The following VPS13C variants were observed in gnomAD, a reference collection of about 807,000 sequenced individuals.
The protein encoded by VPS13C is vacuolar protein sorting 13 homolog C.
In VPS13C, 358 loss-of-function variants were observed where a neutral mutation model predicts 456.8. The ratio of observed to expected loss-of-function variants is 0.78; its 90% confidence interval spans 0.72 to 0.86. The LOEUF (loss-of-function observed/expected upper bound fraction) is 0.86, where lower values mean the gene tolerates loss of function less well. VPS13C is among the 40% of genes least tolerant of loss of function. The pLI, the probability that VPS13C is intolerant of heterozygous loss-of-function variation, is 0.00. For missense variants in VPS13C, 4,818 were observed against 4,385.4 expected, an observed-to-expected ratio of 1.10 and a Z score of -2.79; for synonymous variants, 1,578 against 1,486.7, an observed-to-expected ratio of 1.06 and a Z score of -1.41.
Position 61,863,434 on chromosome 15 carries a change from C to A in VPS13C, c.10952+6G>T. The A allele has an allele frequency of 1.9e-6, 3 of 1,604,552 alleles. No homozygotes were observed. Among genetic ancestry groups the A allele is most frequent in the South Asian group, 2.2e-5 (2 of 89,898 alleles). On this transcript the variant is annotated splice_donor_region_variant and intron_variant, in intron 82 of 84. Transcript: ENST00000644861. ...TATTTGGAAAAATGTCACTTCAAGTCAGTACCTATTTGTAACCATAAGGAT... is the reference window on the plus strand; with the variant it reads ...TATTTGGAAAAATGTCACTTCAAGTAAGTACCTATTTGTAACCATAAGGAT...
chr15:61,924,112 C>T (rs1399197439), intron 53 of VPS13C, among the ~76,000 whole-genome samples: 2 of 151,606 alleles, frequency 1.3e-5, no homozygotes, highest in Admixed American at 6.6e-5. Flanking sequence ...GTGATCCGCC[C>T]GCCTCGGCCT....
intron 49 of VPS13C, among the ~76,000 whole-genome samples, chr15:61,931,498 T>C (rs999439445): frequency 2.0e-5 from 3 of 152,032 alleles, no homozygotes; most frequent in African/African-American, 4.8e-5. Flanking sequence ...GAAAAATTTA[T>C]CTGATTTACA....
At position 61,920,561 on chromosome 15, in the gene VPS13C, T is replaced by C; in HGVS notation, c.7149A>G (p.Ser2383=). The C allele has an allele frequency of 6.3e-7, 1 of 1,580,796 alleles. No individual in the cohort carries two copies. The highest frequency in any genetic ancestry group is 2.3e-5 in the East Asian group (1 of 43,596). ...ATATTGTTATATTCATTGTATTTCC[T>C]GAAGAAATATGAATTGCCATTTGTG... ...PEPQMAIHIS[S]GNTMNITISK... Residue 2383 remains serine (S), a synonymous_variant, in exon 56 of 85, where the codon TCA becomes TCG. Coordinates refer to ENST00000644861, the MANE Select transcript of VPS13C (RefSeq NM_020821.3).
At chr15:62,001,047 A>C (rs1391057614) in intron 15 of VPS13C, among the ~76,000 whole-genome samples, 1 of 152,202 alleles carries the variant, frequency 6.6e-6, no homozygotes, top group East Asian at 1.9e-4. Flanking sequence ...AGAATGTAAA[A>C]TTCTGCAAAT....
At chr15:61,989,289 A>G (rs772114088) in intron 18 of VPS13C, among the ~76,000 whole-genome samples, 5 of 151,758 alleles carry the variant, frequency 3.3e-5, no homozygotes, top group Admixed American at 6.6e-5. Context: ...AATTCCAGCT[A>G]CTCGGGTGGC....
intron 69 of VPS13C, among the ~76,000 whole-genome samples, chr15:61,882,239 A>C (rs930395130): frequency 6.6e-6 from 1 of 152,162 alleles, no homozygotes; most frequent in African/African-American, 2.4e-5. Context: ...GGATGCTGGG[A>C]GAGAGCAAGC....
At chr15:61,961,969 T>A (rs1048981115) in intron 34 of VPS13C, 76 bp from the exon 35 acceptor site, 5 of 1,461,508 alleles carry the variant, frequency 3.4e-6, no homozygotes, top group Admixed American at 4.8e-5. Flanking sequence ...CTTCTTTTCA[T>A]ACATGTGGTA....
At chr15:61,889,321 T>C (rs1243168470) in intron 67 of VPS13C, among the ~76,000 whole-genome samples, 1 of 152,096 alleles carries the variant, frequency 6.6e-6, no homozygotes, top group Non-Finnish European at 1.5e-5. Context: ...TATCTACATA[T>C]AAATATATTA....
Position 61,940,749 on chromosome 15 carries a change from T to G in VPS13C, c.5499A>C (p.Leu1833Phe), listed in dbSNP as rs558897291. ...ASLPQNDIEI[L>F]KPVNMLLSIQ... is the part of the protein sequence containing the mutation. ...TGGACAAAAGCATGTTGACTGGTTTTAAAATTTCAATGTCATTTTGTGGCA... is the reference window on the plus strand; with the variant it reads ...TGGACAAAAGCATGTTGACTGGTTTGAAAATTTCAATGTCATTTTGTGGCA... The change falls in exon 47 of 85, where the codon TTA (leucine) becomes TTC (phenylalanine). Residue 1833 changes from leucine to phenylalanine, a missense_variant. This residue lies in a region of VPS13C where 4,552 missense variants were observed against 4,130.6 expected (regional missense o/e 1.10). Transcript: ENST00000644861. The G allele has an allele frequency of 6.2e-7, 1 of 1,613,634 alleles. No homozygotes were observed. The highest frequency in any genetic ancestry group is 1.1e-5 in the South Asian group (1 of 90,960).
chr15:61,985,618 T>A (rs182043169), intron 18 of VPS13C, among the ~76,000 whole-genome samples: 53 of 152,282 alleles, frequency 3.5e-4, no homozygotes, highest in African/African-American at 1.1e-3. Context: ...GGCATAAAGA[T>A]TCAATTCAGC....
intron 78 of VPS13C, 96 bp downstream of exon 78, chr15:61,873,150 C>T (rs1483761267): frequency 9.8e-6 from 15 of 1,537,074 alleles, no homozygotes; most frequent in Non-Finnish European, 1.3e-5. Context: ...TCCTACAGGC[C>T]TAGACTCATA....
At chr15:61,930,581 T>C (rs1366671890) in intron 50 of VPS13C, among the ~76,000 whole-genome samples, 1 of 152,238 alleles carries the variant, frequency 6.6e-6, no homozygotes, top group Non-Finnish European at 1.5e-5. Context: ...TATTGAAAAT[T>C]ACATATTTCC....
At chr15:61,996,779 A>G (rs2046396038) in intron 16 of VPS13C, among the ~76,000 whole-genome samples, 1 of 151,742 alleles carries the variant, frequency 6.6e-6, no homozygotes, top group Non-Finnish European at 1.5e-5. Context: ...CAGAACTTGA[A>G]GATAGATCAA....
intron 64 of VPS13C, 103 bp downstream of exon 64, chr15:61,910,074 T>C: frequency 1.6e-6 from 1 of 608,454 alleles, no homozygotes; most frequent in Non-Finnish European, 2.1e-6. Flanking sequence ...CATGTATACA[T>C]ATGTAACAAA....
chr15:61,972,771 GA>G lies in VPS13C; in HGVS notation c.2618-8del, dbSNP rs2045594166. ...AAATACTCATCATCAGACTCTAAAG[GA>G]AAAAGACATTTATTTGATCTGAGAC... On this transcript the variant is annotated splice_region_variant and splice_polypyrimidine_tract_variant and intron_variant, in intron 26 of 84. Coordinates refer to ENST00000644861, the MANE Select transcript of VPS13C (RefSeq NM_020821.3). 4 of 1,600,908 alleles carry G rather than the reference GA, an allele frequency of 2.5e-6. No individual in the cohort carries two copies. The East Asian group carries it at 8.9e-5, about 36-fold the overall frequency.
intron 48 of VPS13C, 125 bp from the exon 49 acceptor site, chr15:61,934,456 CAATT>C: frequency 2.1e-6 from 1 of 484,186 alleles, no homozygotes; most frequent in Non-Finnish European, 3.5e-6. Context: ...CATATTGAGA[CAATT>C]AATAAAAATG....
At chr15:62,015,375 A>T (rs1478194832) in intron 9 of VPS13C, among the ~76,000 whole-genome samples, 1 of 151,986 alleles carries the variant, frequency 6.6e-6, no homozygotes, top group Non-Finnish European at 1.5e-5. Context: ...CCCATTTGTC[A>T]ATTTTGGCTT....
chr15:62,037,880 G>C (rs968449660), intron 3 of VPS13C, among the ~76,000 whole-genome samples: 22 of 152,080 alleles, frequency 1.4e-4, no homozygotes, highest in African/African-American at 5.3e-4. Context: ...AATTTATCCT[G>C]TTTCGAGACA....
At chr15:61,949,748 T>C (rs2044724368) in intron 41 of VPS13C, 143 bp from the exon 42 acceptor site, 2 of 706,984 alleles carry the variant, frequency 2.8e-6, no homozygotes, top group Non-Finnish European at 4.4e-6. Flanking sequence ...CACTATTAAC[T>C]CACTATTAAA....
Sources: gnomAD v4.1 joint callset for allele counts (sites outside exome capture counted in the v4.1 genomes callset) on GRCh38, gnomAD v4.1.1 for gene constraint, gnomAD v4.1.1 regional missense constraint, MANE v1.5 for transcripts, NCBI Gene and HGNC (gene_info 2026-07-23, HGNC 2026-07-21) for gene names.